Variants in YIF1B observed in about 807,000 individuals in gnomAD.
YIF1B encodes the protein protein YIF1B.
Under a neutral mutation model 34.6 loss-of-function variants are expected in YIF1B, and 24 were observed. The ratio of observed to expected loss-of-function variants is 0.69; its 90% CI spans 0.50 to 0.98. YIF1B has a LOEUF of 0.98. Ranked by LOEUF, YIF1B falls within the 50% of genes least tolerant of loss-of-function variation. The pLI, the probability that YIF1B is intolerant of heterozygous loss-of-function variation, is 0.00. For missense variants in YIF1B, 368 were observed against 429.4 expected (o/e 0.86, Z 1.26); for synonymous variants, 186 against 184.8 (o/e 1.01, Z -0.05).
intron 7 of YIF1B, chr19:38,307,201 G>A: frequency 1.7e-6 from 1 of 574,580 alleles, no homozygotes; most frequent in Non-Finnish European, 3.2e-6. Flanking sequence ...GTGTGCTGGG[G>A]ATCCCCAGCC....
chr19:38,315,907 G>A lies in YIF1B; in HGVS notation c.11C>T (p.Ala4Val), dbSNP rs1432660974. The A allele has an allele frequency of 4.7e-6, 7 of 1,478,936 alleles. No homozygotes were observed. The highest frequency in any genetic ancestry group is 4.5e-6 in the Non-Finnish European group (5 of 1,123,272). 91.6% of individuals were successfully genotyped at this position (1,478,936 alleles called of 1,614,324 possible). A position where few individuals can be genotyped will look rare whatever the true frequency, so the allele number is the denominator to read the frequency against. ...CCCCGCAGCCGCCGCCGCCAAGCCT[G>A]CCGGGTGCATCCTTCGCCGCCGCCA... MHP[A>V]GLAAAAAGTP... The change falls in exon 1 of 8, where the codon GCA (alanine) becomes GTA (valine). Residue 4 changes from alanine (A) to valine (V), a missense_variant. By Grantham distance (64) the Ala-to-Val change is moderately conservative. Coordinates refer to ENST00000339413, the MANE Select transcript of YIF1B (RefSeq NM_001039672.3).
At position 38,303,665 on chromosome 19, in the gene YIF1B, A is replaced by G. The variant is rs971171485; in HGVS notation, c.*1687T>C. 1.3e-5 allele frequency among the ~76,000 whole-genome samples: 2 copies of G among 152,240 alleles called. No individual in the cohort carries two copies. The highest frequency in any genetic ancestry group is 2.9e-5 in the Non-Finnish European group (2 of 68,044). On this transcript the variant is annotated 3_prime_UTR_variant, in exon 8 of 8. Transcript: ENST00000339413. ...ATTAACTCCTCTGACTTTCACATCA[A>G]TCCCATGGGTAGCTGTTATTTACAG...
At chr19:38,315,256 A>G (rs1421172243) in intron 1 of YIF1B, among the ~76,000 whole-genome samples, 1 of 151,940 alleles carries the variant, frequency 6.6e-6, no homozygotes. Flanking sequence ...AAAAAAAAAA[A>G]AAAAAGAAAA....
At chr19:38,315,245 C>CA (rs76142078) in intron 1 of YIF1B, among the ~76,000 whole-genome samples, 3,347 of 90,984 alleles carry the variant, frequency 0.037, 67 homozygotes, top group East Asian at 0.13. Context: ...AACTAGGTCT[C>CA]AAAAAAAAAA....
At chr19:38,311,824 C>A (rs904449095) in intron 1 of YIF1B, among the ~76,000 whole-genome samples, 1 of 152,140 alleles carries the variant, frequency 6.6e-6, no homozygotes, top group Non-Finnish European at 1.5e-5. Flanking sequence ...AGAGGCCAGG[C>A]GCAGTGGCTT....
chr19:38,314,156 G>T (rs989173396), intron 1 of YIF1B, among the ~76,000 whole-genome samples: 2 of 151,008 alleles, frequency 1.3e-5, no homozygotes, highest in Non-Finnish European at 2.9e-5. Context: ...CGCCCGAGTA[G>T]CTGGAATTAC....
intron 1 of YIF1B, among the ~76,000 whole-genome samples, chr19:38,313,185 CAA>C: frequency 4.3e-4 from 65 of 152,014 alleles, no homozygotes; most frequent in African/African-American, 1.2e-3. Context: ...CTCCTGAGCT[CAA>C]GTGATCTGCC....
intron 1 of YIF1B, 59 bp from the exon 2 acceptor site, chr19:38,309,702 C>A: frequency 6.5e-7 from 1 of 1,541,214 alleles, no homozygotes; most frequent in Admixed American, 1.9e-5. Flanking sequence ...GGAGACCTGG[C>A]GAACCTCATT....
At chr19:38,317,066 A>T (rs1969575128), upstream of YIF1B, 1 of 152,282 alleles carries the variant, frequency 6.6e-6, no homozygotes, top group African/African-American at 2.4e-5. Flanking sequence ...AGAAATTCAT[A>T]AAAATGTTCT....
At position 38,304,792 on chromosome 19, in the gene YIF1B, G is replaced by C; in HGVS notation, c.*560C>G. 1.2e-6 allele frequency: 2 copies of C among 1,612,794 alleles called. No homozygotes were observed. Among genetic ancestry groups the C allele is most frequent in the Admixed American group, 3.3e-5 (2 of 60,000 alleles). ...GTGCGGGGAGTGGTCCCCCTGTCTC[G>C]CTTCCAGCCCAGAACCATCTCTTCT... On this transcript the variant is annotated 3_prime_UTR_variant, in exon 8 of 8. Coordinates refer to ENST00000339413, the MANE Select transcript of YIF1B (RefSeq NM_001039672.3).
chr19:38,315,949 G>A, upstream of YIF1B: 1 of 1,410,246 alleles, frequency 7.1e-7, no homozygotes, highest in Non-Finnish European at 9.2e-7. Flanking sequence ...CCGCGGTTCG[G>A]AGCGTGCCCG....
At chr19:38,318,482 C>T (rs1007141054), upstream of YIF1B, among the ~76,000 whole-genome samples, 1 of 152,006 alleles carries the variant, frequency 6.6e-6, no homozygotes, top group Non-Finnish European at 1.5e-5. Flanking sequence ...TGGGGTTTTG[C>T]CATGTTGCCC....
upstream of YIF1B, among the ~76,000 whole-genome samples, chr19:38,319,657 A>G (rs1196120427): frequency 2.0e-5 from 3 of 152,154 alleles, no homozygotes; most frequent in African/African-American, 7.2e-5. Flanking sequence ...GAAGGAAGGA[A>G]TGAGGGGAAG....
At chr19:38,307,142 C>T in intron 7 of YIF1B, 1 of 521,328 alleles carries the variant, frequency 1.9e-6, no homozygotes, top group Non-Finnish European at 3.7e-6. Flanking sequence ...GGCAGGAAGG[C>T]TCCCATGTAA....
chr19:38,312,821 G>C (rs1969376236), intron 1 of YIF1B, among the ~76,000 whole-genome samples: 1 of 152,152 alleles, frequency 6.6e-6, no homozygotes, highest in African/African-American at 2.4e-5. Context: ...CTCCTGATCA[G>C]CTACTAGCCT....
At position 38,304,981 on chromosome 19, in the gene YIF1B, C is replaced by A. The variant is rs370764536; in HGVS notation, c.*371G>T. 1 of 1,582,526 alleles carries A rather than the reference C, an allele frequency of 6.3e-7. No individual in the cohort carries two copies. Among genetic ancestry groups the A allele is most frequent in the Non-Finnish European group, 8.6e-7 (1 of 1,164,998 alleles). ...CCCCACTGAAGGGCCCTGGACAGGG[C>A]TCATTAAACCTTCCTCTCTGCCTTC... On this transcript the variant is annotated 3_prime_UTR_variant, in exon 8 of 8. Coordinates refer to ENST00000339413, the MANE Select transcript of YIF1B (RefSeq NM_001039672.3).
intron 1 of YIF1B, chr19:38,315,428 G>A: frequency 2.3e-6 from 3 of 1,302,268 alleles, no homozygotes; most frequent in South Asian, 1.8e-5. Context: ...CACTCACGGA[G>A]ATGAAGAGAC....
chr19:38,319,980 C>T (rs1321094599), upstream of YIF1B: 14 of 1,470,650 alleles, frequency 9.5e-6, no homozygotes, highest in Non-Finnish European at 1.2e-5. Flanking sequence ...TGGCGGGCGC[C>T]TTGGCCGCGT....
At position 38,307,654 on chromosome 19, in the gene YIF1B, A is replaced by T; in HGVS notation, c.638T>A (p.Val213Asp). ...GTCGATGGTGGTGAGGTCGGTGTTG[A>T]CAGTGACCAGATAGAGGCTGAGCAG... ...AILLSLYLVT[V>D]NTDLTTIDLV... is the part of the protein sequence containing the mutation. The change falls in exon 6 of 8, where the codon GTC becomes GAC. Residue 213 changes from valine to aspartate, a missense_variant. This residue lies in a region of YIF1B where 208 missense variants were observed against 247.8 expected (regional missense o/e 0.84). Coordinates refer to ENST00000339413, the MANE Select transcript of YIF1B (RefSeq NM_001039672.3). 1.2e-6 allele frequency: 2 copies of T among 1,613,820 alleles called. No homozygotes were observed. Among genetic ancestry groups the T allele is most frequent in the Non-Finnish European group, 1.7e-6 (2 of 1,180,000 alleles).
Sources: gnomAD v4.1 joint callset for allele counts (sites outside exome capture counted in the v4.1 genomes callset) on GRCh38, gnomAD v4.1.1 for gene constraint, gnomAD v4.1.1 regional missense constraint, MANE v1.5 for transcripts, NCBI Gene and HGNC (gene_info 2026-07-23, HGNC 2026-07-21) for gene names.